NAV3: variants seen among roughly 807,000 people sequenced by gnomAD.
NAV3 encodes neuron navigator 3, also known as pore membrane and/or filament interacting like protein 1.
NAV3 carries 87 observed loss-of-function variants against 244.7 expected under a neutral mutation model. The ratio of observed to expected loss-of-function variants is 0.36; its 90% CI spans 0.30 to 0.42. The LOEUF is 0.42. Ranked by LOEUF, NAV3 falls within the 20% of genes least tolerant of loss-of-function variation. The probability of loss-of-function intolerance (pLI) is 1.00; values close to 1 mark genes in which losing one functional copy is unlikely to be tolerated. For missense variants in NAV3, 2,663 were observed against 2,893.3 expected (o/e 0.92, Z 1.83); for synonymous variants, 1,126 against 1,042.2 (o/e 1.08, Z -1.55).
intron 2 of NAV3, among the ~76,000 whole-genome samples, chr12:77,792,332 G>A (rs901740754): frequency 6.6e-6 from 1 of 152,148 alleles, no homozygotes; most frequent in African/African-American, 2.4e-5. Flanking sequence ...CAGGTTGGTG[G>A]AGAATTAATC....
At chr12:78,031,463 A>G (rs1015652496) in intron 9 of NAV3, among the ~76,000 whole-genome samples, 11 of 152,008 alleles carry the variant, frequency 7.2e-5, no homozygotes, top group African/African-American at 2.7e-4. Context: ...ATCAAGTTTG[A>G]TCAGAACAAA....
chr12:78,194,627 C>G (rs1464404072), intron 34 of NAV3, among the ~76,000 whole-genome samples: 1 of 152,024 alleles, frequency 6.6e-6, no homozygotes, highest in Non-Finnish European at 1.5e-5. Context: ...ACTACTTACT[C>G]AGGTCACCAG....
At chr12:78,105,617 T>A (rs1954761968) in intron 12 of NAV3, among the ~76,000 whole-genome samples, 1 of 152,088 alleles carries the variant, frequency 6.6e-6, no homozygotes. Context: ...CTGGTTTGTT[T>A]CAGGTTCAGT....
At chr12:77,721,089 C>T (rs1876607687) in intron 2 of NAV3, among the ~76,000 whole-genome samples, 1 of 152,006 alleles carries the variant, frequency 6.6e-6, no homozygotes, top group Admixed American at 6.6e-5. Flanking sequence ...GGACCACAGT[C>T]CATATCTGGA....
chr12:78,186,342 A>T (rs1434741367), intron 31 of NAV3, among the ~76,000 whole-genome samples: 1 of 151,888 alleles, frequency 6.6e-6, no homozygotes, highest in Admixed American at 6.6e-5. Context: ...TAAGTATCCA[A>T]TTTTTTTACA....
At chr12:77,783,754 C>T (rs1870779959) in intron 2 of NAV3, among the ~76,000 whole-genome samples, 1 of 152,126 alleles carries the variant, frequency 6.6e-6, no homozygotes, top group South Asian at 2.1e-4. Flanking sequence ...AGGTGTATTG[C>T]TTCTTTGCAG....
At chr12:78,059,230 A>G (rs1305217791) in intron 12 of NAV3, 115 bp downstream of exon 12, 1 of 929,138 alleles carries the variant, frequency 1.1e-6, no homozygotes, top group Non-Finnish European at 1.5e-6. Flanking sequence ...TATTTTGATA[A>G]ATAATTATTT....
At chr12:77,819,922 G>C (rs1872667024) in intron 2 of NAV3, among the ~76,000 whole-genome samples, 1 of 152,122 alleles carries the variant, frequency 6.6e-6, no homozygotes, top group African/African-American at 2.4e-5. Flanking sequence ...TACTTCTGTT[G>C]CTGTCAGAAA....
At chr12:77,844,880 G>C (rs1383633025) in intron 1 of NAV3, among the ~76,000 whole-genome samples, 3 of 152,126 alleles carry the variant, frequency 2.0e-5, no homozygotes, top group Non-Finnish European at 2.9e-5. Flanking sequence ...GTGTCATCTT[G>C]CATGTTTTTA....
At chr12:77,646,089 A>G (rs112010848) in intron 2 of NAV3, among the ~76,000 whole-genome samples, 90 of 152,242 alleles carry the variant, frequency 5.9e-4, no homozygotes, top group African/African-American at 2.1e-3. Context: ...AGCTTCATGG[A>G]CAAACGTCTT....
intron 1 of NAV3, among the ~76,000 whole-genome samples, chr12:77,867,983 C>A (rs369363398): frequency 1.3e-5 from 2 of 152,282 alleles, no homozygotes; most frequent in East Asian, 3.9e-4. Flanking sequence ...CAGATACTGT[C>A]CCACATCTCA....
chr12:77,940,248 T>C, intron 1 of NAV3, 71 bp from the exon 2 acceptor site: 1 of 1,110,562 alleles, frequency 9.0e-7, no homozygotes. Flanking sequence ...AATCCAACAT[T>C]TGTCTTCAGC....
In NAV3 at chr12:78,006,418, G is replaced by A. The variant is rs2136553188; in HGVS notation, c.881-1G>A. ...TTATTTTTCTTCTAAACAATGTCCA[G>A]ATTCCTCCAAAGGACCTCAATCGTC... On this transcript the variant is annotated splice_acceptor_variant, in intron 7 of 39. Coordinates refer to ENST00000397909, the MANE Select transcript of NAV3 (RefSeq NM_001024383.2). LOFTEE classifies it high-confidence loss of function. The A allele has an allele frequency of 6.2e-7, 1 of 1,610,848 alleles. No individual in the cohort carries two copies. Among genetic ancestry groups the A allele is most frequent in the Non-Finnish European group, 8.5e-7 (1 of 1,177,644 alleles).
chr12:77,888,985 C>T (rs1206663586), intron 1 of NAV3, among the ~76,000 whole-genome samples: 3 of 152,116 alleles, frequency 2.0e-5, no homozygotes, highest in Non-Finnish European at 4.4e-5. Context: ...TCAGAATAAC[C>T]TCAATGCCCT....
At chr12:78,097,490 C>T (rs895967237) in intron 12 of NAV3, among the ~76,000 whole-genome samples, 2 of 152,104 alleles carry the variant, frequency 1.3e-5, no homozygotes, top group African/African-American at 2.4e-5. Context: ...ATCTTTCACC[C>T]CCATCTAGAG....
At chr12:78,121,514 A>G (rs1955666227) in intron 15 of NAV3, among the ~76,000 whole-genome samples, 1 of 134,182 alleles carries the variant, frequency 7.5e-6, no homozygotes. Flanking sequence ...TTAAAAATTT[A>G]AAAATAAAAA....
chr12:78,075,938 G>A (rs1953028003), intron 12 of NAV3, among the ~76,000 whole-genome samples: 1 of 152,180 alleles, frequency 6.6e-6, no homozygotes, highest in African/African-American at 2.4e-5. Context: ...CAAGAGTCAA[G>A]TGGATTGAAC....
chr12:78,073,486 G>A (rs187618698), intron 12 of NAV3, among the ~76,000 whole-genome samples: 3,465 of 152,196 alleles, frequency 0.023, 47 homozygotes, highest in Middle Eastern at 0.041. Flanking sequence ...AACAAGGGAC[G>A]TGAAGGACCT....
intron 18 of NAV3, chr12:78,130,745 C>T (rs1378898870): frequency 6.5e-6 from 1 of 152,926 alleles, no homozygotes; most frequent in Non-Finnish European, 1.5e-5. Flanking sequence ...TCTGCAGCCC[C>T]TCTTGCCAGA....
Sources: gnomAD v4.1 joint callset for allele counts (sites outside exome capture counted in the v4.1 genomes callset) on GRCh38, gnomAD v4.1.1 for gene constraint, MANE v1.5 for transcripts, NCBI Gene and HGNC (gene_info 2026-07-23, HGNC 2026-07-21) for gene names.